Variants in CACNA1B observed in about 807,000 individuals in gnomAD.
CACNA1B encodes voltage-dependent N-type calcium channel subunit alpha-1B.
Under a neutral mutation model 247.2 loss-of-function variants are expected in CACNA1B, and 70 were observed. That is an observed-to-expected ratio of 0.28 (90% CI 0.23 to 0.35). The LOEUF (loss-of-function observed/expected upper bound fraction) is 0.35, where lower values mean the gene tolerates loss of function less well. Ranked by LOEUF, CACNA1B falls within the 10% of genes least tolerant of loss-of-function variation. The probability of loss-of-function intolerance (pLI) is 1.00; values close to 1 mark genes in which losing one functional copy is unlikely to be tolerated. For synonymous variants in CACNA1B, 1,231 were observed against 1,294.4 expected (o/e 0.95, Z 1.05); for missense variants, 2,367 against 3,197.4 (o/e 0.74, Z 6.26).
At chr9:137,972,321 A>G (rs1452966003) in intron 11 of CACNA1B, among the ~76,000 whole-genome samples, 2 of 152,186 alleles carry the variant, frequency 1.3e-5, no homozygotes, top group African/African-American at 2.4e-5. Context: ...GTAGTGATTC[A>G]GCCCTCCTGA....
At chr9:137,905,689 A>G (rs1334946675) in intron 3 of CACNA1B, among the ~76,000 whole-genome samples, 1 of 152,256 alleles carries the variant, frequency 6.6e-6, no homozygotes. Context: ...CACAGGGCCA[A>G]TGTAATGCTA....
intron 39 of CACNA1B, among the ~76,000 whole-genome samples, chr9:138,111,884 T>C (rs1206295057): frequency 1.3e-5 from 2 of 151,460 alleles, no homozygotes; most frequent in African/African-American, 2.4e-5. Flanking sequence ...CCTGCTGATA[T>C]TCCCCTTCCC....
intron 20 of CACNA1B, among the ~76,000 whole-genome samples, chr9:138,033,632 G>T (rs1038896228): frequency 6.6e-6 from 1 of 152,176 alleles, no homozygotes. Context: ...AAGGAAAGAG[G>T]TTTAATTGAC....
rs753700309 is a variant in CACNA1B at position 138,054,034 on chromosome 9, A to G, written c.3968+28A>G. 2 of 1,607,548 alleles carry G rather than the reference A, an allele frequency of 1.2e-6. No homozygotes were observed. Among genetic ancestry groups the G allele is most frequent in the African/African-American group, 1.3e-5 (1 of 74,834 alleles). On this transcript the variant is annotated intron_variant, in intron 26 of 46. Transcript: ENST00000371372. The surrounding 1 kb of genome is among the most constrained non-coding windows in gnomAD (Gnocchi z 4.6). ...AAACTGAGGCAGGGTGCAAGGTGGG[A>G]CACACAGCCCCATGATGCAGACAAC...
chr9:137,888,347 C>G lies in CACNA1B; in HGVS notation c.530+5464C>G, dbSNP rs1482683903. ...CAGTCCTGTCCCCACGTCACTGCCT[C>G]TGCCCTCCCGGGCCCCTCAGGAAGC... On this transcript the variant is annotated intron_variant, in intron 3 of 46. Coordinates refer to ENST00000371372, the MANE Select transcript of CACNA1B (RefSeq NM_000718.4). This position sits in a 1 kb window ranked among gnomAD's most constrained non-coding sequence, Gnocchi z 4.7. 6.6e-6 allele frequency among the ~76,000 whole-genome samples: 1 copy of G among 151,984 alleles called. No homozygotes were observed. The highest frequency in any genetic ancestry group is 2.4e-5 in the African/African-American group (1 of 41,408).
chr9:138,088,797 CAA>C (rs113755908), intron 36 of CACNA1B, among the ~76,000 whole-genome samples: 1 of 140,856 alleles, frequency 7.1e-6, no homozygotes, highest in Non-Finnish European at 1.6e-5. Flanking sequence ...TACTAAAATA[CAA>C]AAAAAAAAAA....
At chr9:138,087,384 C>CAAAAAAAAAAAAAAAAA (rs58566171) in intron 36 of CACNA1B, among the ~76,000 whole-genome samples, 3 of 52,668 alleles carry the variant, frequency 5.7e-5, no homozygotes, top group African/African-American at 1.3e-4. Context: ...GACTCTGTCT[C>CAAAAAAAAAAAAAAAAA]AAAAAAAAAA....
chr9:138,066,530 G>A (rs1959923491), intron 31 of CACNA1B, among the ~76,000 whole-genome samples: 1 of 152,208 alleles, frequency 6.6e-6, no homozygotes, highest in Admixed American at 6.5e-5. Flanking sequence ...GCTGTGGGGC[G>A]TGAAAGTGCA....
At position 138,052,469 on chromosome 9, in the gene CACNA1B, A is replaced by G. The variant is rs1959328885; in HGVS notation, c.3807+281A>G. The stretch of plus-strand genomic sequence containing the variant: ...GTGCAGTGCGGGAAAGGCTGCCGGG[A>G]CAGGTGCAGGGTGGTGGAGGGAGAT... On this transcript the variant is annotated intron_variant, in intron 25 of 46. Coordinates refer to ENST00000371372, the MANE Select transcript of CACNA1B (RefSeq NM_000718.4). The surrounding 1 kb of genome is among the most constrained non-coding windows in gnomAD (Gnocchi z 5.1). Among the ~76,000 whole-genome samples, 2 of 152,046 alleles carry G rather than the reference A, an allele frequency of 1.3e-5. No homozygotes were observed. The highest frequency in any genetic ancestry group is 4.2e-4 in the South Asian group (2 of 4,818).
At chr9:138,078,843 C>T (rs746690216) in intron 36 of CACNA1B, among the ~76,000 whole-genome samples, 11 of 152,044 alleles carry the variant, frequency 7.2e-5, no homozygotes, top group Non-Finnish European at 1.5e-4. Context: ...AGAGCTGGCA[C>T]GATTGATGAT....
intron 15 of CACNA1B, among the ~76,000 whole-genome samples, chr9:138,005,823 C>T (rs1270903121): frequency 6.6e-6 from 1 of 152,084 alleles, no homozygotes; most frequent in Non-Finnish European, 1.5e-5. Context: ...GTGGGCGGAT[C>T]ACGAGGTCAG....
intron 3 of CACNA1B, among the ~76,000 whole-genome samples, chr9:137,897,998 G>A (rs1400799431): frequency 2.0e-5 from 3 of 151,986 alleles, no homozygotes; most frequent in African/African-American, 7.3e-5. Context: ...TATTCTTTCA[G>A]GATAGGTCTG....
intron 15 of CACNA1B, among the ~76,000 whole-genome samples, chr9:137,998,772 C>CTG (rs1958529664): frequency 6.6e-6 from 1 of 152,174 alleles, no homozygotes; most frequent in Non-Finnish European, 1.5e-5. Context: ...TGACCAAAAA[C>CTG]AGGCAGAATT....
At chr9:138,101,955 A>G (rs566608315) in intron 37 of CACNA1B, among the ~76,000 whole-genome samples, 34 of 152,266 alleles carry the variant, frequency 2.2e-4, no homozygotes, top group African/African-American at 7.2e-4. Flanking sequence ...AGATCCTGCA[A>G]CCTGCCCCTT....
At position 137,955,823 on chromosome 9, in the gene CACNA1B, C is replaced by T. The variant is rs199867202; in HGVS notation, c.1186+10C>T. On this transcript the variant is annotated intron_variant, in intron 8 of 46. Transcript: ENST00000371372. The surrounding 1 kb of genome is among the most constrained non-coding windows in gnomAD (Gnocchi z 6.9). ...TGGATCTTCAAGGCGGGTGAGGGCC[C>T]GTGGGAGCCACTGCACTCCTGGCCG... 11 of 1,540,908 alleles carry T rather than the reference C, an allele frequency of 7.1e-6. No homozygotes were observed. The highest frequency in any genetic ancestry group is 4.6e-5 in the East Asian group (2 of 43,312).
At position 138,023,785 on chromosome 9, in the gene CACNA1B, A is replaced by G; in HGVS notation, c.3042A>G (p.Glu1014=). Residue 1014 remains glutamate, a synonymous_variant, in exon 19 of 47, where the codon GAA becomes GAG. Transcript: ENST00000371372. ...CTGAGATAGTGGAAGCCGACAAGGAAAAGGAGCTCCGGAACCACCAGCCCC... is the reference window on the plus strand; with the variant it reads ...CTGAGATAGTGGAAGCCGACAAGGAGAAGGAGCTCCGGAACCACCAGCCCC... ...KEAEIVEADK[E]KELRNHQPRE... is the part of the protein sequence containing the mutation. 5.4e-6 allele frequency: 8 copies of G among 1,472,436 alleles called. No individual in the cohort carries two copies. 91.2% of individuals were successfully genotyped at this position (1,472,436 alleles called of 1,614,324 possible).
chr9:138,105,936 C>G, intron 39 of CACNA1B, 129 bp downstream of exon 39: 1 of 621,940 alleles, frequency 1.6e-6, no homozygotes, highest in East Asian at 2.7e-5. Context: ...GGTCTGAGGA[C>G]AGCTGCACAG....
At position 138,059,167 on chromosome 9, in the gene CACNA1B, A is replaced by G; in HGVS notation, c.4562A>G (p.Lys1521Arg). Reference sequence around the variant, plus strand: ...ATGTTCTCCATGGAATGCGTGCTGAAGATCATCGCCTTTGGGGTGCTGGTA... The same window carrying G: ...ATGTTCTCCATGGAATGCGTGCTGAGGATCATCGCCTTTGGGGTGCTGGTA... ...TSMFSMECVL[K>R]IIAFGVLNYF... Residue 1521 changes from lysine (K) to arginine (R), a missense_variant, in exon 30 of 47, where the codon AAG becomes AGG. Lys to Arg is a conservative substitution (Grantham distance 26). Transcript: ENST00000371372. The surrounding 1 kb of genome is among the most constrained non-coding windows in gnomAD (Gnocchi z 4.2). The G allele has an allele frequency of 3.1e-6, 5 of 1,610,108 alleles. No homozygotes were observed. Among genetic ancestry groups the G allele is most frequent in the Non-Finnish European group, 4.2e-6 (5 of 1,176,512 alleles).
chr9:137,988,214 C>G (rs1410804545), intron 15 of CACNA1B, among the ~76,000 whole-genome samples: 1 of 152,186 alleles, frequency 6.6e-6, no homozygotes, highest in East Asian at 1.9e-4. Flanking sequence ...CCTGGAGCTG[C>G]CCGTAGGGTC....
Sources: gnomAD v4.1 joint callset for allele counts (sites outside exome capture counted in the v4.1 genomes callset) on GRCh38, gnomAD v4.1.1 for gene constraint, Gnocchi (gnomAD v3.1) non-coding constraint, MANE v1.5 for transcripts, NCBI Gene and HGNC (gene_info 2026-07-23, HGNC 2026-07-21) for gene names.